The following CCDC81 variants were observed in gnomAD, a reference collection of about 807,000 sequenced individuals.
CCDC81 encodes the protein coiled-coil domain-containing protein 81.
In CCDC81, 79 loss-of-function variants were observed where a neutral mutation model predicts 83.7. That is an observed-to-expected ratio of 0.94 (90% CI 0.79 to 1.14). The LOEUF (loss-of-function observed/expected upper bound fraction) is 1.14. CCDC81 is among the 50% of genes most tolerant of loss of function. The pLI is 0.00. For synonymous variants in CCDC81, 252 were observed against 278.1 expected (o/e 0.91, Z 0.93); for missense variants, 791 against 778.1 (o/e 1.02, Z -0.20).
intron 5 of CCDC81, among the ~76,000 whole-genome samples, chr11:86,396,763 G>A (rs189589975): frequency 2.1e-4 from 32 of 152,198 alleles, no homozygotes; most frequent in Middle Eastern, 6.8e-3. Context: ...TCTTTCCATT[G>A]CACCATATTG....
chr11:86,413,265 C>T (rs1948671021), intron 11 of CCDC81, among the ~76,000 whole-genome samples: 1 of 152,142 alleles, frequency 6.6e-6, no homozygotes. Context: ...TTTCTCTCGA[C>T]GTCCAGCCGC....
chr11:86,399,902 C>T (rs1467230700), intron 6 of CCDC81, among the ~76,000 whole-genome samples: 2 of 151,716 alleles, frequency 1.3e-5, no homozygotes, highest in Non-Finnish European at 2.9e-5. Flanking sequence ...GTGGGTGGAT[C>T]ACCTGAGGTC....
chr11:86,403,755 G>C (rs1019641773), intron 7 of CCDC81, among the ~76,000 whole-genome samples: 1 of 152,082 alleles, frequency 6.6e-6, no homozygotes, highest in Non-Finnish European at 1.5e-5. Context: ...TATATTATTG[G>C]GATTTGAGTA....
chr11:86,387,486 A>C (rs1246349405), intron 2 of CCDC81, 30 bp from the exon 3 acceptor site: 6 of 1,608,066 alleles, frequency 3.7e-6, no homozygotes, highest in Non-Finnish European at 5.1e-6. Flanking sequence ...CCTTCAATGA[A>C]TTCTGTTTTG....
At chr11:86,375,539 T>C (rs292092) in intron 1 of CCDC81, among the ~76,000 whole-genome samples, 101,739 of 151,992 alleles carry the variant, frequency 0.67, 34,930 homozygotes, top group East Asian at 0.84. Context: ...CCCACACCAC[T>C]CGCTGGGATG....
At chr11:86,387,246 G>A (rs1948254881) in intron 2 of CCDC81, among the ~76,000 whole-genome samples, 1 of 152,164 alleles carries the variant, frequency 6.6e-6, no homozygotes. Flanking sequence ...AGATGCTATG[G>A]CATTCACACC....
At chr11:86,380,538 C>T (rs2138489216) in intron 1 of CCDC81, among the ~76,000 whole-genome samples, 1 of 152,188 alleles carries the variant, frequency 6.6e-6, no homozygotes, top group African/African-American at 2.4e-5. Flanking sequence ...AGCATTTCCT[C>T]TAATATTTCT....
chr11:86,375,005 G>C lies in CCDC81; in HGVS notation c.-159G>C. On this transcript the variant is annotated 5_prime_UTR_variant, in exon 1 of 15. Transcript: ENST00000445632. ...GTTTATTTAAGAAAGAAGAAAAAGA[G>C]TCAAGAAGTTCAAGATTTTCGTCAC... 1.4e-6 allele frequency: 1 copy of C among 728,400 alleles called. No individual in the cohort carries two copies. Among genetic ancestry groups the C allele is most frequent in the Admixed American group, 1.9e-5 (1 of 52,138 alleles). The allele number at this position is 728,400 out of a possible 1,614,324, so 45.1% of individuals were successfully genotyped here.
At chr11:86,408,347 T>C (rs913780979) in intron 9 of CCDC81, 77 bp downstream of exon 9, 9 of 1,382,350 alleles carry the variant, frequency 6.5e-6, no homozygotes, top group Middle Eastern at 2.6e-4. Flanking sequence ...TATTATTTTT[T>C]ATTGGCGCAG....
Position 86,422,611 on chromosome 11 carries a change from A to T in CCDC81, c.1855A>T (p.Lys619Ter). Residue 619 changes from lysine to a stop codon, truncating the protein, a stop_gained, in exon 15 of 15, where the codon AAG becomes TAG. Transcript: ENST00000445632. LOFTEE classifies it high-confidence loss of function. ...GCTGTTTCTCCTAGACCAGTGTGAG[A>T]AGTATCGGCGCTGCAAGCAATGCCA... ...DKLFLLDQCEKYRRCKQCQRR... is the reference protein window; with the variant it reads ...DKLFLLDQCE The T allele has an allele frequency of 1.2e-6, 2 of 1,613,924 alleles. No individual in the cohort carries two copies. Among genetic ancestry groups the T allele is most frequent in the Middle Eastern group, 1.7e-4 (1 of 6,056 alleles).
chr11:86,397,846 T>A (rs1191603098), intron 6 of CCDC81, 104 bp downstream of exon 6: 4 of 1,297,194 alleles, frequency 3.1e-6, no homozygotes, highest in Non-Finnish European at 4.1e-6. Context: ...AAATAATCAC[T>A]ATATTATTAT....
At position 86,401,535 on chromosome 11, in the gene CCDC81, A is replaced by G. The variant is rs552192726; in HGVS notation, c.881+734A>G. Among the ~76,000 whole-genome samples the G allele has an allele frequency of 5.9e-5, 9 of 152,300 alleles. No homozygotes were observed. In the East Asian group the frequency reaches 1.5e-3, roughly 26 times the overall value. On this transcript the variant is annotated intron_variant, in intron 7 of 14. Transcript: ENST00000445632. ...TCTAGGAATGCTTGTTTTGGATAAT[A>G]TCACTGTTATGAAAGATAATTGAGA...
chr11:86,408,387 C>T (rs1191546235), intron 9 of CCDC81, 117 bp downstream of exon 9: 14 of 972,452 alleles, frequency 1.4e-5, no homozygotes, highest in Middle Eastern at 3.4e-4. Flanking sequence ...GGTTGGAATG[C>T]AGTGGCACAA....
At chr11:86,412,692 G>A (rs1948662712) in intron 11 of CCDC81, 133 bp downstream of exon 11, 2 of 786,622 alleles carry the variant, frequency 2.5e-6, no homozygotes, top group Non-Finnish European at 4.0e-6. Flanking sequence ...AACCCAGTTA[G>A]CAGCCAGTAC....
chr11:86,410,434 A>G (rs1033192949), intron 10 of CCDC81, among the ~76,000 whole-genome samples: 3 of 152,178 alleles, frequency 2.0e-5, no homozygotes, highest in African/African-American at 7.2e-5. Flanking sequence ...TCTCTGAAAA[A>G]AGGGCACTAT....
Position 86,375,250 on chromosome 11 carries a change from T to C in CCDC81, c.79+8T>C, listed in dbSNP as rs779829118. On this transcript the variant is annotated splice_region_variant and intron_variant, in intron 1 of 14. Coordinates refer to ENST00000445632, the MANE Select transcript of CCDC81 (RefSeq NM_001156474.2). ...CCTCGCTGAGCCAGGAGGGTAAGCGTGTTGGGTAGCAGGGGGTGGCCCTGG... is the reference window on the plus strand; with the variant it reads ...CCTCGCTGAGCCAGGAGGGTAAGCGCGTTGGGTAGCAGGGGGTGGCCCTGG... The C allele has an allele frequency of 1.1e-5, 17 of 1,606,396 alleles. No individual in the cohort carries two copies. Among genetic ancestry groups the C allele is most frequent in the Non-Finnish European group, 1.4e-5 (16 of 1,178,518 alleles).
chr11:86,398,859 C>A (rs1647357242), intron 6 of CCDC81, among the ~76,000 whole-genome samples: 1 of 152,188 alleles, frequency 6.6e-6, no homozygotes, highest in Non-Finnish European at 1.5e-5. Flanking sequence ...AGGTGGGAGC[C>A]ACCACACGCA....
At chr11:86,409,520 T>TCAG (rs1487538650) in intron 10 of CCDC81, among the ~76,000 whole-genome samples, 155 bp downstream of exon 10, 1 of 152,208 alleles carries the variant, frequency 6.6e-6, no homozygotes, top group Non-Finnish European at 1.5e-5. Context: ...TGGTGTGGTC[T>TCAG]CAGCTCACTG....
intron 2 of CCDC81, 68 bp from the exon 3 acceptor site, chr11:86,387,448 T>C: frequency 1.4e-6 from 2 of 1,481,212 alleles, no homozygotes; most frequent in South Asian, 2.3e-5. Context: ...TTTTAGATAA[T>C]AATATTAAGG....
Sources: gnomAD v4.1 joint callset for allele counts (sites outside exome capture counted in the v4.1 genomes callset) on GRCh38, gnomAD v4.1.1 for gene constraint, MANE v1.5 for transcripts, NCBI Gene and HGNC (gene_info 2026-07-23, HGNC 2026-07-21) for gene names.